Variants in NMUR1 observed in about 807,000 individuals in gnomAD.
The protein encoded by NMUR1 is neuromedin-U receptor 1.
In NMUR1, 16 loss-of-function variants were observed where a neutral mutation model predicts 18.8. That is an observed-to-expected ratio of 0.85 (90% CI 0.58 to 1.29). NMUR1 has a LOEUF of 1.29. Among genes scored for constraint, NMUR1 ranks in the 50% most tolerant of loss-of-function variants. The pLI is 0.00. For synonymous variants in NMUR1, 258 were observed against 258.2 expected (o/e 1.00, Z 0.01); for missense variants, 529 against 580.3 (o/e 0.91, Z 0.91).
In NMUR1 at chr2:231,525,259, G is replaced by A. The variant is rs1169282219; in HGVS notation, c.1065C>T (p.Leu355=). The A allele has an allele frequency of 2.5e-6, 4 of 1,614,206 alleles. No individual in the cohort carries two copies. The Admixed American group carries it at 6.7e-5, about 27-fold the overall frequency. Residue 355 remains leucine (L), a synonymous_variant, in exon 3 of 3, where the codon CTC becomes CTT. Coordinates refer to ENST00000305141, the MANE Select transcript of NMUR1 (RefSeq NM_006056.5). ...FYLGSAANPV[L]YSLMSSRFRE... ...GGAAGCGGCTGGACATGAGGCTATA[G>A]AGCACGGGGTTGGCCGCCGAGCCCA...
At chr2:231,529,052 C>A (rs369238129) in intron 1 of NMUR1, 35 bp from the exon 2 acceptor site, 3 of 1,554,806 alleles carry the variant, frequency 1.9e-6, no homozygotes, top group Admixed American at 1.8e-5. Context: ...CCAGAAAGAT[C>A]ATTCAGGGAA....
At chr2:231,525,720 C>T (rs1372471231) in intron 2 of NMUR1, among the ~76,000 whole-genome samples, 1 of 152,240 alleles carries the variant, frequency 6.6e-6, no homozygotes, top group East Asian at 1.9e-4. Context: ...GATTCTCTCA[C>T]CCTGGAATAT....
rs150534370 is a variant in NMUR1, at chr2:231,525,301, G to A, written c.1023C>T (p.Ser341=). The change falls in exon 3 of 3, where the codon TCC becomes TCT. Residue 341 remains serine (S), a synonymous_variant. Transcript: ENST00000305141. The stretch of plus-strand genomic sequence containing the variant: ...CCGAGCCCAGGTAGAAGAAGATGCC[G>A]GAGATGACGTGCACGTGCTGGAAGG... ...HLAFQHVHVI[S]GIFFYLGSAA... is the part of the protein sequence containing the mutation. 9.0e-4 allele frequency: 1,448 copies of A among 1,613,698 alleles called. 8 individuals carry two copies. The highest frequency in any genetic ancestry group is 6.2e-3 in the African/African-American group (463 of 74,846).
Position 231,528,747 on chromosome 2 carries a change from G to C in NMUR1, c.274C>G (p.Arg92Gly). The change falls in exon 2 of 3, where the codon CGC (arginine) becomes GGC (glycine). Residue 92 changes from arginine (R) to glycine (G), a missense_variant. By Grantham distance (125) the Arg-to-Gly change is moderately radical. Transcript: ENST00000305141. ...CLVILRHKAM[R>G]TPTNYYLFSL... is the part of the protein sequence containing the mutation. ...AAGAGGTAGTAGTTGGTAGGCGTGC[G>C]CATGGCCTTGTGGCGCAGGATGACC... 1 of 1,614,236 alleles carries C rather than the reference G, an allele frequency of 6.2e-7. No homozygotes were observed. Among genetic ancestry groups the C allele is most frequent in the South Asian group, 1.1e-5 (1 of 91,088 alleles).
At chr2:231,527,133 T>A (rs1331548432) in intron 2 of NMUR1, among the ~76,000 whole-genome samples, 2 of 151,254 alleles carry the variant, frequency 1.3e-5, no homozygotes, top group East Asian at 3.9e-4. Flanking sequence ...TCCCCCCAGA[T>A]CTCACTGTGT....
At chr2:231,527,744 T>C (rs2047370577) in intron 2 of NMUR1, among the ~76,000 whole-genome samples, 1 of 151,602 alleles carries the variant, frequency 6.6e-6, no homozygotes, top group African/African-American at 2.4e-5. Context: ...GCCCTTTCTG[T>C]GTTTTGGTTC....
In NMUR1 at chr2:231,530,393, ACCCTC is replaced by A; in HGVS notation, c.-37_-33del. On this transcript the variant is annotated 5_prime_UTR_variant, in exon 1 of 3. Transcript: ENST00000305141. Reference sequence around the variant, plus strand: ...CGCGGCCCGCGAGACCCCGGCTTCCACCCTCCGAGCGACGGACACAGACGCGGCGC... The same window carrying A: ...CGCGGCCCGCGAGACCCCGGCTTCCACGAGCGACGGACACAGACGCGGCGC... 1 of 1,480,122 alleles carries A rather than the reference ACCCTC, an allele frequency of 6.8e-7. No individual in the cohort carries two copies. Among genetic ancestry groups the A allele is most frequent in the Admixed American group, 2.3e-5 (1 of 43,874 alleles). The allele number at this position is 1,480,122 out of a possible 1,614,324, so 91.7% of individuals were successfully genotyped here. A position where few individuals can be genotyped will look rare whatever the true frequency, so the allele number is the denominator to read the frequency against.
rs760848795 is a variant in NMUR1, at chr2:231,528,101, TC to T, written c.898+21del. ...CATACCCAGTGCCTGGCTCAGCCCC[TC>T]TTCCCAGCCGTGACACTTACACAGC... On this transcript the variant is annotated intron_variant, in intron 2 of 2. Coordinates refer to ENST00000305141, the MANE Select transcript of NMUR1 (RefSeq NM_006056.5). 12 of 1,522,500 alleles carry T rather than the reference TC, an allele frequency of 7.9e-6. No individual in the cohort carries two copies. The African/African-American group carries it at 1.7e-4, about 21-fold the overall frequency. The allele number at this position is 1,522,500 out of a possible 1,614,324, so 94.3% of individuals were successfully genotyped here.
At position 231,526,556 on chromosome 2, in the gene NMUR1, G is replaced by A. The variant is rs189399095; in HGVS notation, c.899-1131C>T. 7.9e-3 allele frequency among the ~76,000 whole-genome samples: 1,211 copies of A among 152,350 alleles called. 12 individuals are homozygous for A. Among genetic ancestry groups the A allele is most frequent in the Non-Finnish European group, 9.3e-3 (635 of 68,022 alleles). On this transcript the variant is annotated intron_variant, in intron 2 of 2. Transcript: ENST00000305141. The stretch of plus-strand genomic sequence containing the variant: ...AGGGCGGCAGTGGGCAGCTGGTCCT[G>A]AGCACAGGCTTCACCGTGCAGAGCT...
chr2:231,526,638 T>G (rs552076000), intron 2 of NMUR1, among the ~76,000 whole-genome samples: 236 of 152,286 alleles, frequency 1.5e-3, no homozygotes, highest in African/African-American at 4.2e-3. Context: ...CACAAGAGAC[T>G]GAGCTCTGGG....
intron 1 of NMUR1, among the ~76,000 whole-genome samples, chr2:231,529,486 A>T (rs1424966132): frequency 7.2e-6 from 1 of 139,370 alleles, no homozygotes; most frequent in Admixed American, 7.6e-5. Flanking sequence ...AACAACGAAA[A>T]AGTAAAAATC....
intron 2 of NMUR1, among the ~76,000 whole-genome samples, chr2:231,527,756 A>C (rs1197074319): frequency 2.0e-5 from 3 of 151,898 alleles, no homozygotes; most frequent in Non-Finnish European, 4.4e-5. Flanking sequence ...TTTTGGTTCC[A>C]GAGCCAGGGC....
chr2:231,529,144 A>C, intron 1 of NMUR1, 127 bp from the exon 2 acceptor site: 1 of 938,752 alleles, frequency 1.1e-6, no homozygotes. Flanking sequence ...CTGAGAAAGA[A>C]AAAACTCTTC....
rs1482386439 is a variant in NMUR1, at chr2:231,530,396, C to A, written c.-35G>T. On this transcript the variant is annotated 5_prime_UTR_variant, in exon 1 of 3. In the 5' UTR this introduces an upstream ATG that the reference lacks. Coordinates refer to ENST00000305141, the MANE Select transcript of NMUR1 (RefSeq NM_006056.5). Reference sequence around the variant, plus strand: ...GGCCCGCGAGACCCCGGCTTCCACCCTCCGAGCGACGGACACAGACGCGGC... The same window carrying A: ...GGCCCGCGAGACCCCGGCTTCCACCATCCGAGCGACGGACACAGACGCGGC... The A allele has an allele frequency of 6.8e-7, 1 of 1,480,446 alleles. No homozygotes were observed. 91.7% of individuals were successfully genotyped at this position (1,480,446 alleles called of 1,614,324 possible). A position where few individuals can be genotyped will look rare whatever the true frequency, so the allele number is the denominator to read the frequency against.
At position 231,525,046 on chromosome 2, in the gene NMUR1, G is replaced by A; in HGVS notation, c.1278C>T (p.Ser426=). ...GPEAQQETDP[S] ...TGAAGCCACTTTAAGGCTCCACTCAGGATGGATCGGTCTCTTGCTGCGCCT... is the reference window on the plus strand; with the variant it reads ...TGAAGCCACTTTAAGGCTCCACTCAAGATGGATCGGTCTCTTGCTGCGCCT... The change falls in exon 3 of 3, where the codon TCC becomes TCT. Residue 426 remains serine, a synonymous_variant. Transcript: ENST00000305141. 7 of 1,569,280 alleles carry A rather than the reference G, an allele frequency of 4.5e-6. No homozygotes were observed. Among genetic ancestry groups the A allele is most frequent in the Non-Finnish European group, 6.0e-6 (7 of 1,158,862 alleles).
At chr2:231,522,584 T>C (rs937957466), downstream of NMUR1, among the ~76,000 whole-genome samples, 2 of 151,698 alleles carry the variant, frequency 1.3e-5, no homozygotes, top group African/African-American at 4.8e-5. Flanking sequence ...AATCTCCCTG[T>C]CCCTGCAGTC....
At chr2:231,527,211 G>C (rs1377931576) in intron 2 of NMUR1, among the ~76,000 whole-genome samples, 1 of 152,168 alleles carries the variant, frequency 6.6e-6, no homozygotes, top group Non-Finnish European at 1.5e-5. Context: ...CATGACCTAG[G>C]CCACGCCCAT....
In NMUR1 at chr2:231,528,291, T is replaced by A; in HGVS notation, c.730A>T (p.Met244Leu). ...TTALLFFCLP[M>L]AIMSVLYLLI... Reference sequence around the variant, plus strand: ...AGGTAGAGCACGCTCATGATGGCCATGGGCAGGCAGAAGAAGAGCAGCGCG... The same window carrying A: ...AGGTAGAGCACGCTCATGATGGCCAAGGGCAGGCAGAAGAAGAGCAGCGCG... Residue 244 changes from methionine to leucine, a missense_variant, in exon 2 of 3, where the codon ATG becomes TTG. By Grantham distance (15) the Met-to-Leu change is conservative (BLOSUM62 2). Coordinates refer to ENST00000305141, the MANE Select transcript of NMUR1 (RefSeq NM_006056.5). The A allele has an allele frequency of 6.2e-7, 1 of 1,613,560 alleles. No individual in the cohort carries two copies. Among genetic ancestry groups the A allele is most frequent in the Non-Finnish European group, 8.5e-7 (1 of 1,179,592 alleles).
At chr2:231,522,836 C>A (rs1407268465), downstream of NMUR1, among the ~76,000 whole-genome samples, 1 of 152,230 alleles carries the variant, frequency 6.6e-6, no homozygotes, top group Non-Finnish European at 1.5e-5. Flanking sequence ...GCCTCTGTTG[C>A]TCTCTGTCCG....
Sources: allele counts gnomAD v4.1 joint callset (sites outside exome capture counted in the v4.1 genomes callset), GRCh38; gene constraint gnomAD v4.1.1; transcripts MANE v1.5; gene names NCBI Gene and HGNC (gene_info 2026-07-23, HGNC 2026-07-21).